The following MYO9A variants were observed in gnomAD, a reference collection of about 807,000 sequenced individuals.
MYO9A encodes unconventional myosin-IXa.
In MYO9A, 103 loss-of-function variants were observed where a neutral mutation model predicts 293.3. That is an observed-to-expected ratio of 0.35 (90% CI 0.30 to 0.41). The LOEUF is 0.41. Among genes scored for constraint, MYO9A ranks in the 10% least tolerant of loss-of-function variants. The pLI, the probability that MYO9A is intolerant of heterozygous loss-of-function variation, is 1.00. For synonymous variants in MYO9A, 1,001 were observed against 1,035.7 expected (o/e 0.97, Z 0.64); for missense variants, 2,685 against 3,033.0 (o/e 0.89, Z 2.69).
At chr15:72,098,922 C>T (rs193197643) in intron 1 of MYO9A, among the ~76,000 whole-genome samples, 29 of 151,516 alleles carry the variant, frequency 1.9e-4, no homozygotes, top group South Asian at 4.2e-4. Flanking sequence ...ATAGTAAAGG[C>T]CATCAAAGCC....
chr15:72,086,350 G>A (rs1289781087), intron 1 of MYO9A, among the ~76,000 whole-genome samples: 2 of 152,056 alleles, frequency 1.3e-5, no homozygotes, highest in East Asian at 1.9e-4. Context: ...AGGTGGGGAT[G>A]GCCACTCAGG....
intron 32 of MYO9A, among the ~76,000 whole-genome samples, chr15:71,871,133 G>T (rs2056498005): frequency 6.6e-6 from 1 of 152,168 alleles, no homozygotes; most frequent in African/African-American, 2.4e-5. Context: ...CCAGCACTCT[G>T]GGAGGCTGAG....
rs1405752655 is a variant in MYO9A at position 71,851,241 on chromosome 15, T to G, written c.6581+12A>C. 1 of 1,601,894 alleles carries G rather than the reference T, an allele frequency of 6.2e-7. No homozygotes were observed. Among genetic ancestry groups the G allele is most frequent in the Non-Finnish European group, 8.5e-7 (1 of 1,171,622 alleles). ...AACTATTAAAAATCGTTCCCTTGCT[T>G]CTTAAAGTTACCTGACTAGATGAAA... On this transcript the variant is annotated intron_variant, in intron 37 of 41. Coordinates refer to ENST00000356056, the MANE Select transcript of MYO9A (RefSeq NM_006901.4).
chr15:71,855,639 T>C (rs2055835866), intron 34 of MYO9A, among the ~76,000 whole-genome samples: 2 of 152,190 alleles, frequency 1.3e-5, no homozygotes, highest in South Asian at 4.1e-4. Flanking sequence ...TTTTCTCCTT[T>C]AACCTGCATC....
intron 3 of MYO9A, among the ~76,000 whole-genome samples, chr15:72,028,835 T>C (rs1267636929): frequency 6.6e-6 from 1 of 152,218 alleles, no homozygotes; most frequent in African/African-American, 2.4e-5. Context: ...AAAATCAATT[T>C]ATTATATAAT....
intron 37 of MYO9A, among the ~76,000 whole-genome samples, chr15:71,850,402 CG>C (rs2141289432): frequency 6.6e-6 from 1 of 152,214 alleles, no homozygotes; most frequent in East Asian, 1.9e-4. Context: ...CTAGGTCAGC[CG>C]ATAGCTTCCC....
chr15:71,934,889 T>C (rs1197383063), intron 17 of MYO9A, among the ~76,000 whole-genome samples: 5 of 146,484 alleles, frequency 3.4e-5, no homozygotes, highest in Admixed American at 1.4e-4. Flanking sequence ...AATCAGTTAA[T>C]GAGAAATGGA....
chr15:72,068,612 A>G (rs1596501597), intron 1 of MYO9A, among the ~76,000 whole-genome samples: 1 of 151,882 alleles, frequency 6.6e-6, no homozygotes, highest in East Asian at 1.9e-4. Context: ...ACTACAAGTG[A>G]CAGCCATCAT....
intron 4 of MYO9A, among the ~76,000 whole-genome samples, chr15:72,024,787 T>G (rs925679455): frequency 6.6e-6 from 1 of 152,090 alleles, no homozygotes; most frequent in Non-Finnish European, 1.5e-5. Context: ...TTATCAGATT[T>G]TAACTACAAT....
In MYO9A at chr15:71,978,089, T is replaced by G; in HGVS notation, c.1844+82A>C. On this transcript the variant is annotated intron_variant, in intron 12 of 41. Transcript: ENST00000356056. ...AAAAAAAATTTGGCTCTTTATTTGG[T>G]AATGTAAGAAAAAAGTTTAAACTTA... The G allele has an allele frequency of 2.0e-6, 3 of 1,486,702 alleles. No individual in the cohort carries two copies. In the South Asian group the frequency reaches 3.7e-5, roughly 18 times the overall value. 92.1% of individuals were successfully genotyped at this position (1,486,702 alleles called of 1,614,324 possible). A position where few individuals can be genotyped will look rare whatever the true frequency, so the allele number is the denominator to read the frequency against.
intron 27 of MYO9A, among the ~76,000 whole-genome samples, chr15:71,884,883 G>A (rs1351503350): frequency 6.6e-6 from 1 of 151,160 alleles, no homozygotes; most frequent in Non-Finnish European, 1.5e-5. Flanking sequence ...GCAAACTAAG[G>A]CTTACAGGCC....
intron 1 of MYO9A, among the ~76,000 whole-genome samples, chr15:72,088,407 G>C (rs1051145642): frequency 6.6e-6 from 1 of 152,154 alleles, no homozygotes; most frequent in East Asian, 1.9e-4. Context: ...TTTTCCAATA[G>C]TGCTTCAAAT....
chr15:71,979,013 T>C (rs2076210543), intron 11 of MYO9A, among the ~76,000 whole-genome samples: 1 of 152,194 alleles, frequency 6.6e-6, no homozygotes, highest in African/African-American at 2.4e-5. Context: ...TGCAGTGGTA[T>C]TTAGGCATCA....
chr15:71,918,851 G>A (rs1249972508), intron 18 of MYO9A, among the ~76,000 whole-genome samples: 1 of 152,136 alleles, frequency 6.6e-6, no homozygotes, highest in Non-Finnish European at 1.5e-5. Context: ...TTGCTGTCAT[G>A]TATATTGCAA....
At chr15:71,950,062 G>A (rs1318366544) in intron 15 of MYO9A, among the ~76,000 whole-genome samples, 1 of 151,916 alleles carries the variant, frequency 6.6e-6, no homozygotes, top group East Asian at 1.9e-4. Flanking sequence ...ACTTGTGGGA[G>A]GATTCATTCA....
At chr15:71,975,155 T>C (rs1477668379) in intron 12 of MYO9A, among the ~76,000 whole-genome samples, 3 of 152,196 alleles carry the variant, frequency 2.0e-5, no homozygotes, top group Non-Finnish European at 2.9e-5. Context: ...GGGAGACATA[T>C]TCATACAACA....
At chr15:71,997,698 A>G (rs2076738445) in intron 9 of MYO9A, among the ~76,000 whole-genome samples, 1 of 152,132 alleles carries the variant, frequency 6.6e-6, no homozygotes, top group South Asian at 2.1e-4. Flanking sequence ...AATGAAAATA[A>G]ATACTAAAAA....
At chr15:71,978,326 TCA>T in intron 11 of MYO9A, 34 bp from the exon 12 acceptor site, 1 of 1,571,088 alleles carries the variant, frequency 6.4e-7, no homozygotes, top group Non-Finnish European at 8.7e-7. Context: ...AACAATTTAT[TCA>T]TCTTGCAGAA....
At chr15:71,975,224 TG>T (rs1279639763) in intron 12 of MYO9A, among the ~76,000 whole-genome samples, 3 of 152,172 alleles carry the variant, frequency 2.0e-5, no homozygotes, top group Non-Finnish European at 4.4e-5. Context: ...TGTAGCAGTA[TG>T]TTTGAGTTGT....
Sources: gnomAD v4.1 joint callset for allele counts (sites outside exome capture counted in the v4.1 genomes callset) on GRCh38, gnomAD v4.1.1 for gene constraint, MANE v1.5 for transcripts, NCBI Gene and HGNC (gene_info 2026-07-23, HGNC 2026-07-21) for gene names.